The following COL11A1 variants were observed in gnomAD, a reference collection of about 807,000 sequenced individuals.
The protein encoded by COL11A1 is collagen type XI alpha 1 chain.
Under a neutral mutation model 265.2 loss-of-function variants are expected in COL11A1, and 74 were observed. The ratio of observed to expected loss-of-function variants is 0.28; its 90% CI spans 0.23 to 0.34. The LOEUF (loss-of-function observed/expected upper bound fraction) is 0.34. Ranked by LOEUF, COL11A1 falls within the 10% of genes least tolerant of loss-of-function variation. The pLI is 1.00. For synonymous variants in COL11A1, 816 were observed against 727.6 expected, an observed-to-expected ratio of 1.12 and a Z score of -1.96; for missense variants, 2,165 against 2,263.6, an observed-to-expected ratio of 0.96 and a Z score of 0.88.
At chr1:102,961,790 A>C in intron 41 of COL11A1, 76 bp downstream of exon 41, 1 of 1,344,984 alleles carries the variant, frequency 7.4e-7, no homozygotes, top group Non-Finnish European at 1.1e-6. Flanking sequence ...CTGTGGAATC[A>C]CAGCATGAGA....
chr1:102,913,028 C>T (rs531291771), intron 53 of COL11A1, among the ~76,000 whole-genome samples: 20 of 152,252 alleles, frequency 1.3e-4, no homozygotes, highest in Admixed American at 2.0e-4. Context: ...GAGATATGAT[C>T]CACAGGTCTG....
intron 1 of COL11A1, among the ~76,000 whole-genome samples, chr1:103,090,524 G>T (rs1043960445): frequency 1.3e-5 from 2 of 152,104 alleles, no homozygotes; most frequent in Non-Finnish European, 2.9e-5. Context: ...AACAACAATT[G>T]ATAACTAGTT....
At chr1:103,004,784 A>T in intron 18 of COL11A1, 123 bp from the exon 19 acceptor site, 3 of 772,890 alleles carry the variant, frequency 3.9e-6, no homozygotes, top group Non-Finnish European at 6.2e-6. Context: ...TGCTTTATTT[A>T]CCCTCCTCAA....
intron 3 of COL11A1, among the ~76,000 whole-genome samples, chr1:103,075,083 G>T (rs1354639570): frequency 1.3e-5 from 2 of 152,066 alleles, no homozygotes; most frequent in Non-Finnish European, 2.9e-5. Flanking sequence ...TAATCTCACT[G>T]TGTCCTGATG....
At chr1:103,098,559 C>T (rs1673977049) in intron 1 of COL11A1, among the ~76,000 whole-genome samples, 1 of 151,780 alleles carries the variant, frequency 6.6e-6, no homozygotes, top group East Asian at 1.9e-4. Flanking sequence ...AAATATCTTG[C>T]TTATGAGTTC....
chr1:103,051,274 T>C (rs1222780446), intron 4 of COL11A1, among the ~76,000 whole-genome samples: 1 of 152,238 alleles, frequency 6.6e-6, no homozygotes, highest in Non-Finnish European at 1.5e-5. Flanking sequence ...CTGGCCGCTT[T>C]GTTTACCTAA....
chr1:102,906,293 G>C (rs1482020701), intron 54 of COL11A1, among the ~76,000 whole-genome samples: 1 of 152,186 alleles, frequency 6.6e-6, no homozygotes, highest in African/African-American at 2.4e-5. Context: ...AGTTCTGTCT[G>C]ATTCTGATGC....
intron 22 of COL11A1, 110 bp downstream of exon 22, chr1:103,002,637 T>C: frequency 8.7e-7 from 1 of 1,154,634 alleles, no homozygotes; most frequent in Admixed American, 1.8e-5. Flanking sequence ...CTGTATCTAA[T>C]ATACTTAGCA....
chr1:102,913,554 A>G, intron 53 of COL11A1, 83 bp downstream of exon 53: 1 of 1,347,044 alleles, frequency 7.4e-7, no homozygotes, highest in Non-Finnish European at 1.1e-6. Flanking sequence ...TATGTTTTTC[A>G]AAGGCTGATT....
chr1:102,892,340 T>G (rs2100877966), intron 57 of COL11A1, among the ~76,000 whole-genome samples: 1 of 152,316 alleles, frequency 6.6e-6, no homozygotes, highest in Admixed American at 6.5e-5. Context: ...TTCCTCTATC[T>G]GGAAACACTA....
rs1441613191 is a variant in COL11A1, at chr1:102,997,110, T to C, written c.2211A>G (p.Lys737=). The C allele has an allele frequency of 1.9e-6, 3 of 1,611,948 alleles. No individual in the cohort carries two copies. Among genetic ancestry groups the C allele is most frequent in the Non-Finnish European group, 2.5e-6 (3 of 1,178,396 alleles). The change falls in exon 26 of 67, where the codon AAA becomes AAG. Residue 737 remains lysine, a synonymous_variant. Coordinates refer to ENST00000370096, the MANE Select transcript of COL11A1 (RefSeq NM_001854.4). ...GADGPPGHPG[K]EGQSGEKGAL... The stretch of plus-strand genomic sequence containing the variant: ...CCCCCTTTTCTCCAGACTGGCCTTC[T>C]TTCCCAGGATGACCCTATATTTAGC...
intron 28 of COL11A1, among the ~76,000 whole-genome samples, chr1:102,993,385 G>T (rs865778728): frequency 6.6e-6 from 1 of 151,962 alleles, no homozygotes; most frequent in African/African-American, 2.4e-5. Context: ...GGATGCTCCA[G>T]TTCTTGATAT....
chr1:102,999,713 A>G (rs1195545188), intron 24 of COL11A1, among the ~76,000 whole-genome samples: 2 of 151,906 alleles, frequency 1.3e-5, no homozygotes, highest in Non-Finnish European at 2.9e-5. Context: ...AACATATGAC[A>G]TTAGTTAAAT....
At chr1:102,890,161 G>T (rs1365010243) in intron 58 of COL11A1, among the ~76,000 whole-genome samples, 1 of 151,918 alleles carries the variant, frequency 6.6e-6, no homozygotes, top group Non-Finnish European at 1.5e-5. Flanking sequence ...TTGTTATTCA[G>T]TCTGTTTATT....
intron 38 of COL11A1, among the ~76,000 whole-genome samples, chr1:102,963,424 G>A (rs139719486): frequency 3.4e-4 from 51 of 152,210 alleles, no homozygotes; most frequent in African/African-American, 9.6e-4. Flanking sequence ...GGTCATTTAC[G>A]TGTCCCCTGA....
intron 14 of COL11A1, among the ~76,000 whole-genome samples, chr1:103,010,791 C>T (rs1666051795): frequency 2.0e-5 from 3 of 151,768 alleles, no homozygotes; most frequent in Non-Finnish European, 4.4e-5. Flanking sequence ...ACCTCCACAT[C>T]CCGGGTTCAA....
At chr1:102,882,102 A>C (rs1650322341) in intron 64 of COL11A1, among the ~76,000 whole-genome samples, 1 of 152,160 alleles carries the variant, frequency 6.6e-6, no homozygotes, top group Non-Finnish European at 1.5e-5. Context: ...GAAATCCTCA[A>C]AATGTCAGTC....
chr1:102,889,507 C>G lies in COL11A1; in HGVS notation c.4412G>C (p.Gly1471Ala), dbSNP rs749419834. 1 of 1,613,670 alleles carries G rather than the reference C, an allele frequency of 6.2e-7. No homozygotes were observed. ...TTGAGTTCCAGGGAGCCCTCGGTCA[C>G]CTTTTTCCCCTTGTTCTCCTGGAGG... is the stretch of plus-strand genomic sequence containing the variant. ...IGPPGEQGEK[G>A]DRGLPGTQGS... is the part of the protein sequence containing the mutation. Residue 1471 changes from glycine to alanine, a missense_variant, in exon 59 of 67, where the codon GGT (glycine) becomes GCT (alanine). By Grantham distance (60) the Gly-to-Ala change is moderately conservative (BLOSUM62 0). Transcript: ENST00000370096.
chr1:103,082,357 C>A (rs1485880683), intron 2 of COL11A1, among the ~76,000 whole-genome samples: 1 of 151,928 alleles, frequency 6.6e-6, no homozygotes, highest in Non-Finnish European at 1.5e-5. Context: ...GGAAAACATG[C>A]ACTAAGTATG....
Sources: gnomAD v4.1 joint callset for allele counts (sites outside exome capture counted in the v4.1 genomes callset) on GRCh38, gnomAD v4.1.1 for gene constraint, MANE v1.5 for transcripts, NCBI Gene and HGNC (gene_info 2026-07-23, HGNC 2026-07-21) for gene names.